Variants in PDE4D observed in about 807,000 individuals in gnomAD.
PDE4D encodes the protein phosphodiesterase 4D.
PDE4D carries 24 observed loss-of-function variants against 87.4 expected under a neutral mutation model. The observed-to-expected ratio is 0.27, with a 90% confidence interval of 0.20 to 0.39. The LOEUF is 0.39. Among genes scored for constraint, PDE4D ranks in the 10% least tolerant of loss-of-function variants. The pLI, the probability that PDE4D is intolerant of heterozygous loss-of-function variation, is 1.00. For missense variants in PDE4D, 714 were observed against 1,041.0 expected, an observed-to-expected ratio of 0.69 and a Z score of 4.32; for synonymous variants, 384 against 383.2, an observed-to-expected ratio of 1.00 and a Z score of -0.02.
At chr5:59,622,563 A>G (rs572383802) in intron 1 of PDE4D, among the ~76,000 whole-genome samples, 1 of 151,998 alleles carries the variant, frequency 6.6e-6, no homozygotes, top group Non-Finnish European at 1.5e-5. Flanking sequence ...GCACACCCCG[A>G]TCTCTCTCCC....
chr5:60,486,132 G>C (rs1749119532), intron 1 of PDE4D, among the ~76,000 whole-genome samples: 1 of 152,316 alleles, frequency 6.6e-6, no homozygotes, highest in East Asian at 1.9e-4. Context: ...GTCAGGAGCT[G>C]ATTCAGATAA....
chr5:59,538,737 T>G (rs1311404624), intron 1 of PDE4D, among the ~76,000 whole-genome samples: 6 of 152,210 alleles, frequency 3.9e-5, no homozygotes. Context: ...TCCGGAATTC[T>G]TAACATGGAT....
chr5:60,080,155 A>T (rs557370183), intron 2 of PDE4D, among the ~76,000 whole-genome samples: 1 of 152,314 alleles, frequency 6.6e-6, no homozygotes, highest in South Asian at 2.1e-4. Flanking sequence ...ATGGGAGTTC[A>T]TTCATGATTT....
chr5:59,316,875 GA>G (rs2153569203), intron 1 of PDE4D, among the ~76,000 whole-genome samples: 1 of 152,274 alleles, frequency 6.6e-6, no homozygotes, highest in African/African-American at 2.4e-5. Context: ...CACATGGGCA[GA>G]GGTGGAGAAA....
rs374185386 is a variant in PDE4D at position 60,486,353 on chromosome 5, C to T, written c.-90+1589G>A. Among the ~76,000 whole-genome samples, 184 of 152,246 alleles carry T rather than the reference C, an allele frequency of 1.2e-3. 1 individual carries two copies. Among genetic ancestry groups the T allele is most frequent in the African/African-American group, 4.4e-3 (182 of 41,558 alleles). ...TCACTATTCTGGGTCAATAAATGAA[C>T]TCATTATACTGTTTCTTCATGAAGT... On this transcript the variant is annotated intron_variant, in intron 1 of 16. Coordinates refer to the PDE4D transcript ENST00000502484.
At position 59,754,797 on chromosome 5, in the gene PDE4D, A is replaced by ATTTTTTTTTTTTTTTTTTT. The variant is rs754869518; in HGVS notation, c.455+138352_455+138370dup. On this transcript the variant is annotated intron_variant, in intron 1 of 14. Coordinates refer to ENST00000340635, the MANE Select transcript of PDE4D (RefSeq NM_001104631.2). The stretch of plus-strand genomic sequence containing the variant: ...GCAGGTACAGAATTTTCCACAGAAC[A>ATTTTTTTTTTTTTTTTTTT]TTTTTTTTTTTTTTTTTTTTTTTTT... 1.0e-4 allele frequency among the ~76,000 whole-genome samples: 10 copies of ATTTTTTTTTTTTTTTTTTT among 96,870 alleles called. 5 individuals are homozygous for ATTTTTTTTTTTTTTTTTTT. Among genetic ancestry groups the ATTTTTTTTTTTTTTTTTTT allele is most frequent in the Non-Finnish European group, 8.0e-5 (4 of 49,874 alleles). The allele number at this position is 96,870 out of a possible 152,430, so 63.6% of individuals were successfully genotyped here. A position where few individuals can be genotyped will look rare whatever the true frequency, so the allele number is the denominator to read the frequency against.
At chr5:59,487,144 T>C (rs1008911070) in intron 1 of PDE4D, among the ~76,000 whole-genome samples, 2 of 152,038 alleles carry the variant, frequency 1.3e-5, no homozygotes, top group Admixed American at 6.6e-5. Context: ...AGTATGGAGA[T>C]GGGGGAGAAA....
chr5:59,742,000 C>T (rs1373157543), intron 1 of PDE4D, among the ~76,000 whole-genome samples: 1 of 152,138 alleles, frequency 6.6e-6, no homozygotes, highest in African/African-American at 2.4e-5. Context: ...TCTTCTATCA[C>T]CAGTATTACT....
At chr5:59,653,300 A>G (rs1348385786) in intron 1 of PDE4D, among the ~76,000 whole-genome samples, 6 of 147,558 alleles carry the variant, frequency 4.1e-5, no homozygotes, top group Non-Finnish European at 8.9e-5. Context: ...TGCACCTCCC[A>G]GGTTAAAGCA....
chr5:59,652,002 T>C (rs1449443063), intron 1 of PDE4D, among the ~76,000 whole-genome samples: 1 of 152,198 alleles, frequency 6.6e-6, no homozygotes, highest in Non-Finnish European at 1.5e-5. Flanking sequence ...CCTAACCCTC[T>C]CACCCGAATT....
intron 2 of PDE4D, among the ~76,000 whole-genome samples, chr5:60,010,473 T>C (rs554279051): frequency 6.6e-6 from 1 of 152,284 alleles, no homozygotes; most frequent in South Asian, 2.1e-4. Flanking sequence ...CATTATGTTT[T>C]CACAAAGTAA....
intron 1 of PDE4D, among the ~76,000 whole-genome samples, chr5:60,274,430 G>A (rs771684212): frequency 1.2e-4 from 18 of 151,918 alleles, no homozygotes; most frequent in South Asian, 2.1e-4. Flanking sequence ...GTGCAATCTC[G>A]ACTCACTGCA....
chr5:60,439,481 C>A (rs1287222517), intron 1 of PDE4D, among the ~76,000 whole-genome samples: 2 of 152,144 alleles, frequency 1.3e-5, no homozygotes, highest in East Asian at 3.9e-4. Context: ...TCATTCTATC[C>A]CAAATGGCAT....
At chr5:59,946,780 T>C (rs1339110479) in intron 3 of PDE4D, among the ~76,000 whole-genome samples, 1 of 152,204 alleles carries the variant, frequency 6.6e-6, no homozygotes, top group Non-Finnish European at 1.5e-5. Flanking sequence ...TACACGCATA[T>C]TAGGAGTTAT....
intron 1 of PDE4D, among the ~76,000 whole-genome samples, chr5:60,212,569 A>G (rs1743358317): frequency 6.6e-6 from 1 of 152,160 alleles, no homozygotes; most frequent in African/African-American, 2.4e-5. Context: ...TCCAGAGTTC[A>G]GTTTTTCCTA....
chr5:60,445,652 A>G (rs1745587701), intron 1 of PDE4D, among the ~76,000 whole-genome samples: 1 of 152,132 alleles, frequency 6.6e-6, no homozygotes, highest in Non-Finnish European at 1.5e-5. Context: ...GAAGGGGGAA[A>G]TGGGGATTTG....
chr5:60,249,025 C>T (rs1748127269), intron 1 of PDE4D, among the ~76,000 whole-genome samples: 1 of 152,006 alleles, frequency 6.6e-6, no homozygotes, highest in African/African-American at 2.4e-5. Context: ...AAGACTGTAA[C>T]TTGTGGGTAG....
chr5:60,380,797 A>C (rs1317741994), intron 1 of PDE4D, among the ~76,000 whole-genome samples: 1 of 152,224 alleles, frequency 6.6e-6, no homozygotes, highest in African/African-American at 2.4e-5. Context: ...AACAACGAGA[A>C]ATCGACATCA....
chr5:59,221,908 C>A (rs979810455), intron 1 of PDE4D, among the ~76,000 whole-genome samples: 8 of 152,176 alleles, frequency 5.3e-5, no homozygotes, highest in African/African-American at 1.9e-4. Context: ...AAAGAGATAA[C>A]TTTTGCCAGA....
Sources: gnomAD v4.1 joint callset for allele counts (sites outside exome capture counted in the v4.1 genomes callset) on GRCh38, gnomAD v4.1.1 for gene constraint, MANE v1.5 for transcripts, NCBI Gene and HGNC (gene_info 2026-07-23, HGNC 2026-07-21) for gene names.